SEC14L3: variants seen among roughly 807,000 people sequenced by gnomAD.
The protein encoded by SEC14L3 is SEC14 like lipid binding 3.
Under a neutral mutation model 57.4 loss-of-function variants are expected in SEC14L3, and 56 were observed. The observed-to-expected ratio is 0.97, with a 90% CI of 0.79 to 1.22. The LOEUF (loss-of-function observed/expected upper bound fraction) is 1.22. Ranked by LOEUF, SEC14L3 falls within the 50% of genes most tolerant of loss-of-function variation. The pLI is 0.00. For synonymous variants in SEC14L3, 173 were observed against 194.4 expected (o/e 0.89, Z 0.92); for missense variants, 485 against 511.7 (o/e 0.95, Z 0.50).
chr22:30,469,216 T>A (rs1379443045), intron 4 of SEC14L3, among the ~76,000 whole-genome samples: 1 of 151,100 alleles, frequency 6.6e-6, no homozygotes, highest in African/African-American at 2.4e-5. Flanking sequence ...GAGGCTGAGG[T>A]GGGAGAATCA....
At position 30,468,511 on chromosome 22, in the gene SEC14L3, CTCTG is replaced by C; in HGVS notation, c.416_419del (p.Thr139ArgfsTer3). 1 of 1,610,378 alleles carries C rather than the reference CTCTG, an allele frequency of 6.2e-7. No homozygotes were observed. The highest frequency in any genetic ancestry group is 1.1e-5 in the South Asian group (1 of 90,906). On this transcript the variant is annotated frameshift_variant, in exon 5 of 12. Transcript: ENST00000215812. LOFTEE classifies it high-confidence loss of function. Reference sequence around the variant, plus strand: ...CCCCACCTGGCCTGGACCTCACCCTCTCTGTCTGCAGGTCACACTCATGCAGGAT... The same window carrying C: ...CCCCACCTGGCCTGGACCTCACCCTCTCTGCAGGTCACACTCATGCAGGAT...
intron 12 of SEC14L3, among the ~76,000 whole-genome samples, chr22:30,453,916 G>A (rs1462271286): frequency 1.3e-5 from 2 of 152,146 alleles, no homozygotes; most frequent in Non-Finnish European, 2.9e-5. Context: ...TTAAAGGTAG[G>A]TGCAGGGTCT....
rs374916927 is a variant in SEC14L3, at chr22:30,471,983, G to C, written c.-25C>G. ...TGGTGCTGGCTGGGGCTTGAGGAGT[G>C]GTGGCCACTATAGGCAAGAGGCCAA... On this transcript the variant is annotated 5_prime_UTR_variant, in exon 1 of 12. Transcript: ENST00000215812. 138 of 1,586,706 alleles carry C rather than the reference G, an allele frequency of 8.7e-5. No individual in the cohort carries two copies. Among genetic ancestry groups the C allele is most frequent in the Non-Finnish European group, 1.1e-4 (128 of 1,166,862 alleles).
chr22:30,461,157 C>T (rs1189717619), intron 11 of SEC14L3, among the ~76,000 whole-genome samples, 153 bp downstream of exon 11: 1 of 152,176 alleles, frequency 6.6e-6, no homozygotes, highest in African/African-American at 2.4e-5. Context: ...TGAATATGGA[C>T]TGAGTGAGTG....
intron 7 of SEC14L3, among the ~76,000 whole-genome samples, chr22:30,465,218 A>G (rs1366704840): frequency 6.6e-6 from 1 of 152,152 alleles, no homozygotes; most frequent in Non-Finnish European, 1.5e-5. Flanking sequence ...CAGCCAACCA[A>G]CTATGCAACA....
chr22:30,456,321 A>C (rs1045573650), downstream of SEC14L3, among the ~76,000 whole-genome samples: 6 of 151,084 alleles, frequency 4.0e-5, no homozygotes, highest in African/African-American at 1.5e-4. Flanking sequence ...AAAAAAAACA[A>C]ACACCAAACA....
intron 12 of SEC14L3, among the ~76,000 whole-genome samples, chr22:30,450,592 C>G (rs1278155796): frequency 6.6e-6 from 1 of 152,140 alleles, no homozygotes; most frequent in African/African-American, 2.4e-5. Context: ...CATGAGCTCC[C>G]GTGTCTGGCT....
intron 4 of SEC14L3, among the ~76,000 whole-genome samples, chr22:30,469,161 TA>T (rs980120273): frequency 6.6e-6 from 1 of 151,790 alleles, no homozygotes; most frequent in African/African-American, 2.4e-5. Context: ...CCTACAAAAA[TA>T]AAAGAAATTA....
At chr22:30,454,905 AATATATTATT>A (rs1379638349), downstream of SEC14L3, among the ~76,000 whole-genome samples, 1 of 43,076 alleles carries the variant, frequency 2.3e-5, no homozygotes, top group Non-Finnish European at 3.6e-5. Context: ...ATAGATATAT[AATATATTATT>A]ATATATTATA....
chr22:30,460,200 C>A (rs546354453), intron 11 of SEC14L3, 58 bp from the exon 12 acceptor site: 1 of 1,589,528 alleles, frequency 6.3e-7, no homozygotes, highest in South Asian at 1.1e-5. Context: ...CTTTTTTCCA[C>A]CCCTGGCCAT....
chr22:30,455,194 A>T (rs5753155), downstream of SEC14L3, among the ~76,000 whole-genome samples: 16 of 55,226 alleles, frequency 2.9e-4, no homozygotes, highest in South Asian at 7.9e-4. Flanking sequence ...TTTAATATAT[A>T]ATATAAATTA....
At chr22:30,470,388 G>T in intron 2 of SEC14L3, 119 bp downstream of exon 2, 1 of 1,596,984 alleles carries the variant, frequency 6.3e-7, no homozygotes, top group Non-Finnish European at 8.5e-7. Flanking sequence ...CTCTGGACCT[G>T]AACATGTGAA....
At chr22:30,457,903 AG>A (rs1480486118), downstream of SEC14L3, among the ~76,000 whole-genome samples, 1 of 152,202 alleles carries the variant, frequency 6.6e-6, no homozygotes, top group Non-Finnish European at 1.5e-5. Flanking sequence ...TGTCACCTGT[AG>A]GCTGAAGATA....
intron 1 of SEC14L3, among the ~76,000 whole-genome samples, chr22:30,471,512 A>G (rs1022957686): frequency 3.3e-5 from 5 of 152,182 alleles, no homozygotes; most frequent in African/African-American, 1.2e-4. Context: ...CAGACTGGTC[A>G]TCTTTCAGGA....
At position 30,461,832 on chromosome 22, in the gene SEC14L3, A is replaced by G. The variant is rs915218961; in HGVS notation, c.772-138T>C. ...ACTCTCCCACCTCCTCAAGCCTTCT[A>G]TGACCCTCCAAACTGGGCCAGTGCG... On this transcript the variant is annotated intron_variant, in intron 9 of 11. Transcript: ENST00000215812. 2.9e-4 allele frequency: 372 copies of G among 1,265,326 alleles called. 2 individuals are homozygous for G. The highest frequency in any genetic ancestry group is 5.4e-4 in the Middle Eastern group (2 of 3,722). 78.4% of individuals were successfully genotyped at this position (1,265,326 alleles called of 1,614,324 possible).
chr22:30,469,594 C>T (rs2146125413), intron 4 of SEC14L3, among the ~76,000 whole-genome samples: 1 of 152,294 alleles, frequency 6.6e-6, no homozygotes, highest in Non-Finnish European at 1.5e-5. Context: ...TTCTTTCCCA[C>T]CCAGACAGGA....
downstream of SEC14L3, among the ~76,000 whole-genome samples, chr22:30,457,376 T>C (rs35145080): frequency 1.5e-5 from 1 of 66,162 alleles, no homozygotes; most frequent in Non-Finnish European, 2.6e-5. Flanking sequence ...TTTAAGTATG[T>C]CTTTTTTTTT....
At chr22:30,453,086 C>T (rs528275906) in intron 12 of SEC14L3, among the ~76,000 whole-genome samples, 5 of 152,058 alleles carry the variant, frequency 3.3e-5, no homozygotes, top group Non-Finnish European at 7.4e-5. Flanking sequence ...GCAGTGAGCC[C>T]GTTTTGCTTG....
At chr22:30,470,607 G>A (rs758656247) in intron 1 of SEC14L3, 25 bp from the exon 2 acceptor site, 1 of 1,614,168 alleles carries the variant, frequency 6.2e-7, no homozygotes, top group South Asian at 1.1e-5. Flanking sequence ...GCTGGTTAAA[G>A]TGGCTCTCTC....
Sources: gnomAD v4.1 joint callset for allele counts (sites outside exome capture counted in the v4.1 genomes callset) on GRCh38, gnomAD v4.1.1 for gene constraint, MANE v1.5 for transcripts, NCBI Gene and HGNC (gene_info 2026-07-23, HGNC 2026-07-21) for gene names.